SLC9A6: variants seen among roughly 807,000 people sequenced by gnomAD.
SLC9A6 encodes solute carrier family 9 member A6.
SLC9A6 carries 6 observed loss-of-function variants against 45.3 expected under a neutral mutation model. The observed-to-expected ratio is 0.13, with a 90% CI of 0.07 to 0.26. The LOEUF is 0.26. Ranked by LOEUF, SLC9A6 falls within the 10% of genes least tolerant of loss-of-function variation. The pLI, the probability that SLC9A6 is intolerant of heterozygous loss-of-function variation, is 1.00. For synonymous variants in SLC9A6, 191 were observed against 187.7 expected (o/e 1.02, Z -0.14); for missense variants, 278 against 503.7 (o/e 0.55, Z 4.29).
Position 135,998,457 on chromosome X carries a change from A to G in SLC9A6, c.448-25A>G, listed in dbSNP as rs1262265100. On this transcript the variant is annotated intron_variant, in intron 4 of 17. Transcript: ENST00000630721. ...TCAAGTAACTGGTAAGTATTCTAAC[A>G]GTGTAACTTTTTTTTTTTTGTCAGA... 7 of 974,168 alleles carry G rather than the reference A, an allele frequency of 7.2e-6. No individual in the cohort carries two copies. The Admixed American group carries it at 2.7e-4, about 37-fold the overall frequency. 80.3% of individuals were successfully genotyped at this position (974,168 alleles called of 1,213,427 possible). A position where few individuals can be genotyped will look rare whatever the true frequency, so the allele number is the denominator to read the frequency against.
chrX:135,997,398 CTTTTTT>C (rs1180028983), intron 3 of SLC9A6, among the ~76,000 whole-genome samples: 3 of 63,304 alleles, frequency 4.7e-5, no homozygotes, highest in Non-Finnish European at 8.7e-5. Context: ...CATGCTTTCT[CTTTTTT>C]TTTTTTTTTT....
At position 135,998,482 on chromosome X, in the gene SLC9A6, A is replaced by G. The variant is rs796053280; in HGVS notation, c.448A>G (p.Arg150Gly). The change falls in exon 5 of 18, where the codon AGA becomes GGA. Residue 150 changes from arginine to glycine, a missense_variant and splice_region_variant. Arg to Gly is a moderately radical substitution (Grantham distance 125, BLOSUM62 -2). Coordinates refer to ENST00000630721, the MANE Select transcript of SLC9A6 (RefSeq NM_001379110.1). ...AGTGTAACTTTTTTTTTTTTGTCAGAGACATTTTTTTCGAAATCTTGGGTC... is the reference window on the plus strand; with the variant it reads ...AGTGTAACTTTTTTTTTTTTGTCAGGGACATTTTTTTCGAAATCTTGGGTC... ...IFYAGYSLKRRHFFRNLGSIL... is the reference protein window; with the variant it reads ...IFYAGYSLKRGHFFRNLGSIL... 1 of 1,133,763 alleles carries G rather than the reference A, an allele frequency of 8.8e-7. No individual in the cohort carries two copies. The highest frequency in any genetic ancestry group is 3.1e-5 in the East Asian group (1 of 32,379). 93.4% of individuals were successfully genotyped at this position (1,133,763 alleles called of 1,213,427 possible).
intron 15 of SLC9A6, among the ~76,000 whole-genome samples, chrX:136,031,165 T>C (rs782520720): frequency 2.4e-4 from 27 of 111,999 alleles, no homozygotes; most frequent in African/African-American, 8.8e-4. Context: ...GCCGGGCTCC[T>C]GGTGTAGTGT....
intron 13 of SLC9A6, among the ~76,000 whole-genome samples, chrX:136,025,512 G>A (rs912900025): frequency 3.6e-5 from 4 of 112,169 alleles, no homozygotes. Flanking sequence ...GAATGTTGTT[G>A]TTATTGTCTT....
In SLC9A6 at chrX:136,044,876, A is replaced by T. The variant is rs1351120564; in HGVS notation, c.*152A>T. On this transcript the variant is annotated 3_prime_UTR_variant, in exon 18 of 18. Transcript: ENST00000630721. ...TAGAAAGAATATAAATATCCTGTACACGGCAGATTGTGAACAAACTATATT... is the reference window on the plus strand; with the variant it reads ...TAGAAAGAATATAAATATCCTGTACTCGGCAGATTGTGAACAAACTATATT... The T allele has an allele frequency of 4.0e-6, 2 of 503,570 alleles. No individual in the cohort carries two copies. The highest frequency in any genetic ancestry group is 2.4e-5 in the African/African-American group (1 of 42,112). The allele number at this position is 503,570 out of a possible 1,213,427, so 41.5% of individuals were successfully genotyped here.
In SLC9A6 at chrX:136,010,464, G is replaced by C. The variant is rs782376733; in HGVS notation, c.766G>C (p.Ala256Pro). The C allele has an allele frequency of 8.3e-7, 1 of 1,211,509 alleles. No homozygotes were observed. Among genetic ancestry groups the C allele is most frequent in the Admixed American group, 2.2e-5 (1 of 46,068 alleles). ...TAGCTCAATAGTGGCATACCAGCCAGCTGGAGACAACAGTCACACCTTTGA... is the reference window on the plus strand; with the variant it reads ...TAGCTCAATAGTGGCATACCAGCCACCTGGAGACAACAGTCACACCTTTGA... ...LSSSIVAYQPAGDNSHTFDVT... is the reference protein window; with the variant it reads ...LSSSIVAYQPPGDNSHTFDVT... Residue 256 changes from alanine to proline, a missense_variant, in exon 8 of 18, where the codon GCT (alanine) becomes CCT (proline). Ala to Pro is a conservative substitution (Grantham distance 27). Coordinates refer to ENST00000630721, the MANE Select transcript of SLC9A6 (RefSeq NM_001379110.1).
At chrX:136,036,224 T>G (rs939576236) in intron 16 of SLC9A6, among the ~76,000 whole-genome samples, 3 of 111,873 alleles carry the variant, frequency 2.7e-5, no homozygotes, top group Non-Finnish European at 5.6e-5. Context: ...TTGATGGGTG[T>G]GTAGTGATAT....
At chrX:135,975,981 C>CAAA (rs782541566) in intron 1 of SLC9A6, among the ~76,000 whole-genome samples, 10 of 62,429 alleles carry the variant, frequency 1.6e-4, no homozygotes, top group South Asian at 1.5e-3. Context: ...TTTCTCTAAC[C>CAAA]AAAAAAAAAA....
chrX:136,040,975 G>T (rs1462145065), intron 17 of SLC9A6, among the ~76,000 whole-genome samples: 1 of 111,037 alleles, frequency 9.0e-6, no homozygotes, highest in African/African-American at 3.3e-5. Context: ...ACAAAAATTA[G>T]CTGGGCACAG....
At chrX:135,995,822 A>G (rs1281451997) in intron 3 of SLC9A6, among the ~76,000 whole-genome samples, 1 of 110,484 alleles carries the variant, frequency 9.1e-6, no homozygotes, top group Non-Finnish European at 1.9e-5. Context: ...CATATTGTGC[A>G]TAAAGCTTTA....
chrX:135,996,210 T>C (rs916486434), intron 3 of SLC9A6, among the ~76,000 whole-genome samples: 106 of 108,022 alleles, frequency 9.8e-4, no homozygotes, highest in African/African-American at 3.6e-3. Context: ...TTTTGTATTT[T>C]TAGTAGAGTT....
intron 9 of SLC9A6, 138 bp downstream of exon 9, chrX:136,013,192 TA>T (rs1212786997): frequency 1.4e-4 from 97 of 690,302 alleles, no homozygotes; most frequent in South Asian, 1.8e-4. Flanking sequence ...CTTTAGAACA[TA>T]AAAAAAAATT....
exon 1 of SLC9A6, chrX:135,974,720 A>G (rs1556613141): frequency 2.9e-6 from 1 of 341,580 alleles, no homozygotes; most frequent in East Asian, 9.7e-5. Flanking sequence ...TGTCAGGACA[A>G]AATCCCAGGA....
intron 8 of SLC9A6, among the ~76,000 whole-genome samples, chrX:136,010,981 G>A (rs1453613415): frequency 3.6e-5 from 4 of 112,105 alleles, no homozygotes; most frequent in East Asian, 2.8e-4. Flanking sequence ...CAGCGACGCC[G>A]AATGAACAAA....
intron 7 of SLC9A6, among the ~76,000 whole-genome samples, chrX:136,003,357 G>A (rs1241165512): frequency 8.9e-6 from 1 of 112,313 alleles, no homozygotes; most frequent in East Asian, 2.8e-4. Context: ...GCACAACCGT[G>A]AATAAATAGT....
chrX:135,986,885 G>A (rs899810260), intron 2 of SLC9A6, among the ~76,000 whole-genome samples: 2 of 111,599 alleles, frequency 1.8e-5, no homozygotes, highest in Non-Finnish European at 3.8e-5. Flanking sequence ...TTTCTGTGCA[G>A]TACATGTGTG....
upstream of SLC9A6, among the ~76,000 whole-genome samples, chrX:135,980,299 G>A (rs140196732): frequency 6.9e-4 from 75 of 108,779 alleles, no homozygotes; most frequent in African/African-American, 2.5e-3. Flanking sequence ...CTGCAACTTC[G>A]GCCTCCCAGG....
At chrX:136,035,048 T>C (rs2071390628) in intron 16 of SLC9A6, among the ~76,000 whole-genome samples, 1 of 112,156 alleles carries the variant, frequency 8.9e-6, no homozygotes, top group Admixed American at 9.5e-5. Context: ...CTTATTCTTC[T>C]GTATATTTTA....
intron 2 of SLC9A6, among the ~76,000 whole-genome samples, chrX:135,992,840 T>G (rs2089452698): frequency 8.9e-6 from 1 of 111,854 alleles, no homozygotes; most frequent in Admixed American, 9.6e-5. Flanking sequence ...TTATGATTGT[T>G]TATTCAGTCT....
Sources: allele counts gnomAD v4.1 joint callset (sites outside exome capture counted in the v4.1 genomes callset), GRCh38; gene constraint gnomAD v4.1.1; transcripts MANE v1.5; gene names NCBI Gene and HGNC (gene_info 2026-07-23, HGNC 2026-07-21).